The following NBPF20 variants were observed in gnomAD, a reference collection of about 807,000 sequenced individuals.
The protein encoded by NBPF20 is NBPF member 20, also known as NBPF family member NBPF20.
Under a neutral mutation model 68.1 loss-of-function variants are expected in NBPF20, and 90 were observed. The ratio of observed to expected loss-of-function variants is 1.32; its 90% CI spans 1.11 to 1.58. The LOEUF (loss-of-function observed/expected upper bound fraction) is 1.58, where lower values mean the gene tolerates loss of function less well. Among genes scored for constraint, NBPF20 ranks in the 40% most tolerant of loss-of-function variants. The pLI is 0.00. For synonymous variants in NBPF20, 290 were observed against 228.1 expected (o/e 1.27, Z -2.45); for missense variants, 816 against 601.2 (o/e 1.36, Z -3.74).
At chr1:145,393,506 A>T (rs1553662757) in intron 9 of NBPF20, among the ~76,000 whole-genome samples, 1 of 151,510 alleles carries the variant, frequency 6.6e-6, no homozygotes, top group Non-Finnish European at 1.5e-5. Flanking sequence ...GAGCTCAGTG[A>T]ATTGGTCAGG....
chr1:145,338,016 C>CAG (rs1661585758), intron 79 of NBPF20, among the ~76,000 whole-genome samples: 1 of 94,110 alleles, frequency 1.1e-5, no homozygotes, highest in Non-Finnish European at 2.2e-5. Context: ...GACACACACA[C>CAG]ACACACACAC....
chr1:145,290,184 A>C (rs1346071837), exon 138 of NBPF20: 1 of 148,208 alleles, frequency 6.7e-6, no homozygotes, highest in African/African-American at 2.6e-5. Flanking sequence ...AGACACAGGC[A>C]GGGAGGATTA....
At position 145,291,787 on chromosome 1, in the gene NBPF20, A is replaced by T. The variant is rs782500064; in HGVS notation, c.16698-18T>A. ...CGTTGAGCCTGGAAAAGGAGACAAAACTAAAGAAGCAGCCAGGGAAAATCA... is the reference window on the plus strand; with the variant it reads ...CGTTGAGCCTGGAAAAGGAGACAAATCTAAAGAAGCAGCCAGGGAAAATCA... On this transcript the variant is annotated intron_variant, in intron 137 of 137. Coordinates refer to ENST00000369373, the Ensembl canonical transcript of NBPF20. 2.5e-4 allele frequency: 405 copies of T among 1,611,896 alleles called. 4 individuals are homozygous for T. The highest frequency in any genetic ancestry group is 2.5e-3 in the South Asian group (224 of 91,002).
At chr1:145,403,902 T>C (rs1276386699) in intron 2 of NBPF20, among the ~76,000 whole-genome samples, 2 of 151,566 alleles carry the variant, frequency 1.3e-5, no homozygotes, top group African/African-American at 4.9e-5. Flanking sequence ...TTTGTGTTAA[T>C]TTAGAAACAG....
the NBPF20 span, among the ~76,000 whole-genome samples, chr1:145,419,051 T>TGGAG: frequency 4.7e-4 from 59 of 125,542 alleles, no homozygotes; most frequent in African/African-American, 1.7e-3. Flanking sequence ...AAGGAAAGAA[T>TGGAG]GGAGGGAGGG....
intron 2 of NBPF20, among the ~76,000 whole-genome samples, chr1:145,403,627 C>T (rs1662631252): frequency 6.6e-6 from 1 of 152,140 alleles, no homozygotes; most frequent in African/African-American, 2.4e-5. Context: ...GGCCACTTTC[C>T]CAAGCCTTGC....
chr1:145,416,222 T>C, the NBPF20 span, among the ~76,000 whole-genome samples: 2 of 142,030 alleles, frequency 1.4e-5, no homozygotes, highest in South Asian at 4.6e-4. Context: ...AATAGCAGAT[T>C]TTAAAAAATT....
chr1:145,311,925 C>A (rs1288773988), intron 112 of NBPF20, among the ~76,000 whole-genome samples: 5 of 110,378 alleles, frequency 4.5e-5, no homozygotes, highest in Non-Finnish European at 9.2e-5. Flanking sequence ...CAGACAAAAT[C>A]AGAGTTGTGT....
intron 3 of NBPF20, 48 bp from the exon 9 acceptor site, chr1:145,402,429 T>C (rs1345988000): frequency 1.3e-6 from 2 of 1,597,626 alleles, no homozygotes; most frequent in Non-Finnish European, 1.7e-6. Context: ...GGTTCAGTGA[T>C]CCGCTCAAAT....
At chr1:145,394,366 G>A (rs1392283690) in intron 8 of NBPF20, among the ~76,000 whole-genome samples, 1 of 151,890 alleles carries the variant, frequency 6.6e-6, no homozygotes, top group Non-Finnish European at 1.5e-5. Context: ...GAGTCAAAAT[G>A]AAACTTGGTT....
At chr1:145,397,708 C>CCT (rs1662325355) in intron 7 of NBPF20, among the ~76,000 whole-genome samples, 1 of 151,882 alleles carries the variant, frequency 6.6e-6, no homozygotes, top group African/African-American at 2.4e-5. Flanking sequence ...AATATCATAA[C>CCT]GACAGGATCA....
At chr1:145,341,147 GAC>G (rs1661610959) in intron 75 of NBPF20, among the ~76,000 whole-genome samples, 1 of 80,546 alleles carries the variant, frequency 1.2e-5, no homozygotes, top group Non-Finnish European at 3.0e-5. Context: ...GAGAGACAGA[GAC>G]AGAGAGAGAG....
At chr1:145,366,514 G>A (rs1661695436) in intron 43 of NBPF20, among the ~76,000 whole-genome samples, 162 bp from the exon 49 acceptor site, 1 of 76,978 alleles carries the variant, frequency 1.3e-5, no homozygotes, top group Non-Finnish European at 2.5e-5. Flanking sequence ...ACAGAACAGG[G>A]CCAAATGGAA....
the NBPF20 span, among the ~76,000 whole-genome samples, chr1:145,419,597 G>A: frequency 6.6e-6 from 1 of 152,054 alleles, no homozygotes; most frequent in Admixed American, 6.5e-5. Flanking sequence ...CAGCCCCTGG[G>A]TCTGACATCG....
At chr1:145,294,391 G>A (rs1553658660) in intron 134 of NBPF20, 1 of 1,980 alleles carries the variant, frequency 5.1e-4, no homozygotes, top group Non-Finnish European at 8.1e-4. Flanking sequence ...GAAAACTGCA[G>A]TATTCAGCCC....
intron 6 of NBPF20, 57 bp downstream of exon 11, chr1:145,400,330 CAG>C: frequency 6.2e-7 from 1 of 1,607,194 alleles, no homozygotes; most frequent in Non-Finnish European, 8.5e-7. Flanking sequence ...AGCCTGTCTT[CAG>C]AGTTTATCTT....
chr1:145,404,880 G>C (rs1258521490), intron 2 of NBPF20, among the ~76,000 whole-genome samples: 1 of 150,656 alleles, frequency 6.6e-6, no homozygotes, highest in South Asian at 2.1e-4. Context: ...ATAAATGGCA[G>C]TTTAACTCTA....
rs1346051197 is a variant in NBPF20 at position 145,400,318 on chromosome 1, A to T, written c.775+68T>A. ...TTTATTCAAATGAATTTGTGTTTAT[A>T]GAGCCTGTCTTCAGAGTTTATCTTC... On this transcript the variant is annotated intron_variant, in intron 6 of 137. Coordinates refer to ENST00000369373, the Ensembl canonical transcript of NBPF20. 6.2e-5 allele frequency: 99 copies of T among 1,598,884 alleles called. No individual in the cohort carries two copies. In the African/African-American group the frequency reaches 9.1e-4, roughly 15 times the overall value.
chr1:145,417,621 C>CAAAAAAAAAA, the NBPF20 span, among the ~76,000 whole-genome samples: 1 of 53,166 alleles, frequency 1.9e-5, no homozygotes, highest in Non-Finnish European at 3.5e-5. Flanking sequence ...CAACACAAAG[C>CAAAAAAAAAA]AAAAAAAAAA....
Sources: allele counts gnomAD v4.1 joint callset (sites outside exome capture counted in the v4.1 genomes callset), GRCh38; gene constraint gnomAD v4.1.1; transcripts MANE v1.5; gene names NCBI Gene and HGNC (gene_info 2026-07-23, HGNC 2026-07-21).